Variants in NETO2 observed in about 807,000 individuals in gnomAD.
The protein encoded by NETO2 is neuropilin and tolloid like 2.
In NETO2, 28 loss-of-function variants were observed where a neutral mutation model predicts 62.5. The ratio of observed to expected loss-of-function variants is 0.45; its 90% CI spans 0.33 to 0.61. The LOEUF (loss-of-function observed/expected upper bound fraction) is 0.61. Among genes scored for constraint, NETO2 ranks in the 20% least tolerant of loss-of-function variants. The pLI, the probability that NETO2 is intolerant of heterozygous loss-of-function variation, is 0.02. For missense variants in NETO2, 548 were observed against 643.2 expected, an observed-to-expected ratio of 0.85 and a Z score of 1.60; for synonymous variants, 214 against 219.1, an observed-to-expected ratio of 0.98 and a Z score of 0.21.
intron 7 of NETO2, among the ~76,000 whole-genome samples, chr16:47,087,066 G>A (rs1284546579): frequency 6.8e-6 from 1 of 147,836 alleles, no homozygotes; most frequent in Non-Finnish European, 1.5e-5. Flanking sequence ...GTCTCACTCT[G>A]TTGCCAGGCT....
chr16:47,130,550 C>A (rs1964245821), intron 2 of NETO2, among the ~76,000 whole-genome samples: 1 of 151,888 alleles, frequency 6.6e-6, no homozygotes, highest in Non-Finnish European at 1.5e-5. Flanking sequence ...ACAAAACAAT[C>A]ATTTAATATC....
At chr16:47,122,108 C>A (rs2151485801) in intron 6 of NETO2, among the ~76,000 whole-genome samples, 1 of 152,226 alleles carries the variant, frequency 6.6e-6, no homozygotes, top group Middle Eastern at 3.4e-3. Context: ...TAGAAGTATA[C>A]ATTAAATGCA....
chr16:47,140,191 T>C (rs904421815), intron 1 of NETO2, among the ~76,000 whole-genome samples: 1 of 152,200 alleles, frequency 6.6e-6, no homozygotes, highest in Non-Finnish European at 1.5e-5. Context: ...CCTTTTTTTT[T>C]CAAGTGCTTC....
rs1289545823 is a variant in NETO2 at position 47,081,438 on chromosome 16, T to A, written c.*1783A>T. On this transcript the variant is annotated 3_prime_UTR_variant, in exon 9 of 9. Coordinates refer to ENST00000562435, the MANE Select transcript of NETO2 (RefSeq NM_018092.5). Reference sequence around the variant, plus strand: ...AAGAAACTAGGCTGACTTAAAAAAATTTAAATCATGAATACATTATGTATA... The same window carrying A: ...AAGAAACTAGGCTGACTTAAAAAAAATTAAATCATGAATACATTATGTATA... 1 of 152,432 alleles carries A rather than the reference T, an allele frequency of 6.6e-6. No homozygotes were observed. The highest frequency in any genetic ancestry group is 1.5e-5 in the Non-Finnish European group (1 of 67,960). The allele number at this position is 152,432 out of a possible 1,614,324, so 9.4% of individuals were successfully genotyped here.
chr16:47,122,145 G>A (rs1964051895), intron 6 of NETO2, among the ~76,000 whole-genome samples: 1 of 152,168 alleles, frequency 6.6e-6, no homozygotes, highest in Non-Finnish European at 1.5e-5. Flanking sequence ...ATCTGTCAGA[G>A]TTATTTAAAA....
At chr16:47,131,897 A>C in intron 2 of NETO2, 72 bp downstream of exon 2, 1 of 1,258,794 alleles carries the variant, frequency 7.9e-7, no homozygotes, top group Non-Finnish European at 1.2e-6. Context: ...AGTACCCAAA[A>C]GTTGCAATCC....
chr16:47,111,112 T>A (rs1963791553), intron 6 of NETO2, among the ~76,000 whole-genome samples: 2 of 152,232 alleles, frequency 1.3e-5, no homozygotes, highest in African/African-American at 4.8e-5. Context: ...TAGCGAGCTC[T>A]AATGCTGTAA....
chr16:47,096,391 G>A (rs1445124919), intron 7 of NETO2, among the ~76,000 whole-genome samples: 1 of 152,098 alleles, frequency 6.6e-6, no homozygotes, highest in Non-Finnish European at 1.5e-5. Context: ...CAACAAGACT[G>A]ACAAACCTGT....
intron 7 of NETO2, among the ~76,000 whole-genome samples, chr16:47,108,357 G>C (rs1329478675): frequency 2.0e-5 from 3 of 151,976 alleles, no homozygotes; most frequent in Non-Finnish European, 4.4e-5. Context: ...TAATTAGAAA[G>C]GAAAAAAATA....
rs537434592 is a variant in NETO2, at chr16:47,136,976, G to A, written c.35-4951C>T. On this transcript the variant is annotated intron_variant, in intron 1 of 8. Transcript: ENST00000562435. Reference sequence around the variant, plus strand: ...AAAGATTAGACCATCATAAAAATGTGCCAAAACCCAAAAATTCAGCCTTAC... The same window carrying A: ...AAAGATTAGACCATCATAAAAATGTACCAAAACCCAAAAATTCAGCCTTAC... Among the ~76,000 whole-genome samples the A allele has an allele frequency of 2.6e-5, 4 of 152,172 alleles. No homozygotes were observed. The East Asian group carries it at 5.8e-4, about 22-fold the overall frequency.
At chr16:47,127,444 C>T (rs961290295) in intron 4 of NETO2, among the ~76,000 whole-genome samples, 3 of 152,148 alleles carry the variant, frequency 2.0e-5, no homozygotes, top group Admixed American at 2.0e-4. Context: ...TACACACACA[C>T]ACACACATAT....
chr16:47,094,692 C>G (rs1963392880), intron 7 of NETO2, among the ~76,000 whole-genome samples: 1 of 149,726 alleles, frequency 6.7e-6, no homozygotes, highest in Non-Finnish European at 1.5e-5. Flanking sequence ...TCCCAAAGTG[C>G]TGGGATTACA....
At chr16:47,088,537 T>C (rs1963245913) in intron 7 of NETO2, among the ~76,000 whole-genome samples, 1 of 152,248 alleles carries the variant, frequency 6.6e-6, no homozygotes. Flanking sequence ...TATTGCTCTA[T>C]GTTATACTGA....
intron 1 of NETO2, among the ~76,000 whole-genome samples, chr16:47,142,587 A>G (rs1274291550): frequency 6.6e-6 from 1 of 152,212 alleles, no homozygotes; most frequent in Non-Finnish European, 1.5e-5. Flanking sequence ...AAAAAAGAAC[A>G]TGTTACGACA....
chr16:47,121,005 T>G (rs1964028031), intron 6 of NETO2, among the ~76,000 whole-genome samples: 1 of 152,156 alleles, frequency 6.6e-6, no homozygotes, highest in Non-Finnish European at 1.5e-5. Flanking sequence ...GCATCAGACT[T>G]ACACACTACA....
intron 7 of NETO2, among the ~76,000 whole-genome samples, chr16:47,104,391 A>C (rs887757704): frequency 6.6e-6 from 1 of 152,250 alleles, no homozygotes; most frequent in East Asian, 1.9e-4. Context: ...TGAAAAATCA[A>C]TGGGAATATA....
rs191261434 is a variant in NETO2 at position 47,108,724 on chromosome 16, T to C, written c.883+759A>G. On this transcript the variant is annotated intron_variant, in intron 7 of 8. Coordinates refer to ENST00000562435, the MANE Select transcript of NETO2 (RefSeq NM_018092.5). ...AAACTGGATCATAAAAGGACCTTCA[T>C]AGCAAAACTAGAGATACCGGACCGG... 2.5e-3 allele frequency among the ~76,000 whole-genome samples: 386 copies of C among 152,294 alleles called. 1 individual carries two copies. Among genetic ancestry groups the C allele is most frequent in the Non-Finnish European group, 4.5e-3 (303 of 68,014 alleles).
At chr16:47,114,994 T>G (rs1238525684) in intron 6 of NETO2, among the ~76,000 whole-genome samples, 1 of 152,166 alleles carries the variant, frequency 6.6e-6, no homozygotes, top group African/African-American at 2.4e-5. Context: ...CAGCACCATC[T>G]GTTAGACTAT....
intron 7 of NETO2, among the ~76,000 whole-genome samples, chr16:47,108,553 GAA>G (rs1417182606): frequency 2.0e-5 from 3 of 152,132 alleles, no homozygotes; most frequent in Non-Finnish European, 4.4e-5. Flanking sequence ...GAATCCCTAA[GAA>G]ACATTAGACA....
Sources: allele counts gnomAD v4.1 joint callset (sites outside exome capture counted in the v4.1 genomes callset), GRCh38; gene constraint gnomAD v4.1.1; transcripts MANE v1.5; gene names NCBI Gene and HGNC (gene_info 2026-07-23, HGNC 2026-07-21).